The following BTRC variants were observed in gnomAD, a reference collection of about 807,000 sequenced individuals.
The protein encoded by BTRC is beta-transducin repeat containing E3 ubiquitin protein ligase.
In BTRC, 42 loss-of-function variants were observed where a neutral mutation model predicts 85.5. That is an observed-to-expected ratio of 0.49 (90% CI 0.38 to 0.64). BTRC has a LOEUF of 0.64. Ranked by LOEUF, BTRC falls within the 30% of genes least tolerant of loss-of-function variation. BTRC has a pLI of 0.00. For synonymous variants in BTRC, 255 were observed against 263.3 expected (o/e 0.97, Z 0.30); for missense variants, 594 against 743.5 (o/e 0.80, Z 2.34).
intron 1 of BTRC, among the ~76,000 whole-genome samples, chr10:101,403,001 A>T (rs1212415557): frequency 1.3e-5 from 2 of 152,128 alleles, no homozygotes; most frequent in Admixed American, 1.3e-4. Flanking sequence ...AAACCTTTAA[A>T]TCTCTTTTTC....
At chr10:101,460,799 T>C (rs1945203390) in intron 2 of BTRC, among the ~76,000 whole-genome samples, 1 of 152,252 alleles carries the variant, frequency 6.6e-6, no homozygotes, top group African/African-American at 2.4e-5. Flanking sequence ...AATTTTCAGA[T>C]AAACTCTCAT....
rs543575782 is a variant in BTRC, at chr10:101,487,719, C to T, written c.324+8262C>T. On this transcript the variant is annotated intron_variant, in intron 4 of 14. Transcript: ENST00000370187. Reference sequence around the variant, plus strand: ...GGGGTAAGCAGGGATCCTACCCAGTCGGAACACTGAAATTAATGAGAAGAA... The same window carrying T: ...GGGGTAAGCAGGGATCCTACCCAGTTGGAACACTGAAATTAATGAGAAGAA... 5.3e-5 allele frequency among the ~76,000 whole-genome samples: 8 copies of T among 152,164 alleles called. No individual in the cohort carries two copies. The East Asian group carries it at 1.5e-3, about 29-fold the overall frequency.
At chr10:101,551,733 G>A (rs1319221969) in intron 14 of BTRC, among the ~76,000 whole-genome samples, 2 of 152,150 alleles carry the variant, frequency 1.3e-5, no homozygotes, top group Non-Finnish European at 2.9e-5. Context: ...AGTGATTCAC[G>A]CCCAGCTGGG....
chr10:101,441,891 A>AAG (rs1944690482), intron 2 of BTRC, among the ~76,000 whole-genome samples: 1 of 151,720 alleles, frequency 6.6e-6, no homozygotes, highest in Non-Finnish European at 1.5e-5. Flanking sequence ...AAAAAAAAAA[A>AAG]AAAAAAAAAG....
At chr10:101,447,914 A>G (rs1161812530) in intron 2 of BTRC, among the ~76,000 whole-genome samples, 3 of 152,176 alleles carry the variant, frequency 2.0e-5, no homozygotes, top group African/African-American at 4.8e-5. Context: ...AAGTATTATT[A>G]ATATTTCCAA....
intron 3 of BTRC, among the ~76,000 whole-genome samples, chr10:101,463,235 G>A (rs575156168): frequency 1.5e-3 from 232 of 152,154 alleles, no homozygotes; most frequent in African/African-American, 5.5e-3. Context: ...TAGTAGAAAC[G>A]GGGTTTCACC....
At chr10:101,530,526 T>C (rs1485553573) in intron 6 of BTRC, among the ~76,000 whole-genome samples, 1 of 151,100 alleles carries the variant, frequency 6.6e-6, no homozygotes, top group African/African-American at 2.4e-5. Context: ...GGGCATGTGC[T>C]AGTTCAAAGG....
chr10:101,426,557 GTAGTTTT>G (rs1944257046), intron 1 of BTRC, among the ~76,000 whole-genome samples: 2 of 152,162 alleles, frequency 1.3e-5, no homozygotes, highest in South Asian at 4.1e-4. Flanking sequence ...TTTGTTGTTA[GTAGTTTT>G]GATGGAGGAT....
At chr10:101,370,462 G>A (rs1942601675) in intron 1 of BTRC, among the ~76,000 whole-genome samples, 1 of 152,144 alleles carries the variant, frequency 6.6e-6, no homozygotes, top group South Asian at 2.1e-4. Flanking sequence ...TAAGACCTCT[G>A]CTGATCCTGC....
chr10:101,537,293 C>G (rs532036516), intron 12 of BTRC, among the ~76,000 whole-genome samples: 69 of 152,212 alleles, frequency 4.5e-4, no homozygotes, highest in African/African-American at 1.6e-3. Context: ...TTTGGGAGAC[C>G]GAGACAGGTG....
At chr10:101,519,335 C>T (rs374343313) in intron 4 of BTRC, among the ~76,000 whole-genome samples, 3 of 152,264 alleles carry the variant, frequency 2.0e-5, no homozygotes, top group African/African-American at 7.2e-5. Flanking sequence ...CCACCTCATC[C>T]TCCCAAAGTG....
chr10:101,380,951 G>A (rs144036571), intron 1 of BTRC, among the ~76,000 whole-genome samples: 246 of 152,286 alleles, frequency 1.6e-3, no homozygotes, highest in African/African-American at 5.4e-3. Context: ...ACTGAATCCT[G>A]TAAGCCATTG....
intron 1 of BTRC, among the ~76,000 whole-genome samples, chr10:101,427,940 C>G (rs1289861291): frequency 6.6e-6 from 1 of 152,124 alleles, no homozygotes; most frequent in African/African-American, 2.4e-5. Flanking sequence ...ATTAGCAAAG[C>G]ATTCTTAATA....
intron 1 of BTRC, among the ~76,000 whole-genome samples, chr10:101,375,213 G>A (rs566096139): frequency 3.3e-5 from 5 of 152,276 alleles, no homozygotes; most frequent in South Asian, 2.1e-4. Flanking sequence ...TGCTGTTTTC[G>A]TGATAGAGTT....
chr10:101,477,026 G>C (rs985029995), intron 3 of BTRC, among the ~76,000 whole-genome samples: 1 of 152,064 alleles, frequency 6.6e-6, no homozygotes, highest in Non-Finnish European at 1.5e-5. Flanking sequence ...ACCCACGCTG[G>C]AGTGCCGTGG....
intron 4 of BTRC, among the ~76,000 whole-genome samples, chr10:101,483,097 G>A (rs1393800613): frequency 6.6e-6 from 1 of 152,080 alleles, no homozygotes; most frequent in African/African-American, 2.4e-5. Context: ...AAGCAGCAAT[G>A]GTATTATGTT....
chr10:101,376,382 A>G (rs1232520668), intron 1 of BTRC, among the ~76,000 whole-genome samples: 5 of 152,170 alleles, frequency 3.3e-5, no homozygotes, highest in Non-Finnish European at 2.9e-5. Flanking sequence ...CAAGGCTTGG[A>G]CTCTCTGAAT....
In BTRC at chr10:101,532,330, T is replaced by A; in HGVS notation, c.876T>A (p.Ser292Arg). The A allele has an allele frequency of 1.2e-6, 2 of 1,613,658 alleles. No homozygotes were observed. Among genetic ancestry groups the A allele is most frequent in the Non-Finnish European group, 1.7e-6 (2 of 1,179,848 alleles). The change falls in exon 8 of 15, where the codon AGT (serine) becomes AGA (arginine). Residue 292 changes from serine (S) to arginine (R), a missense_variant. This residue lies in a region of BTRC where 373 missense variants were observed against 503.6 expected (regional missense o/e 0.74). Coordinates refer to ENST00000370187, the MANE Select transcript of BTRC (RefSeq NM_033637.4). Reference sequence around the variant, plus strand: ...CTAATTGGAGATGTGGAAGACATAGTTTACAGAGAATTCACTGCCGAAGTG... The same window carrying A: ...CTAATTGGAGATGTGGAAGACATAGATTACAGAGAATTCACTGCCGAAGTG... ...IESNWRCGRH[S>R]LQRIHCRSET...
At position 101,499,836 on chromosome 10, in the gene BTRC, A is replaced by G. The variant is rs566211638; in HGVS notation, c.324+20379A>G. Among the ~76,000 whole-genome samples the G allele has an allele frequency of 6.6e-5, 10 of 151,914 alleles. No individual in the cohort carries two copies. In the South Asian group the frequency reaches 2.1e-3, roughly 32 times the overall value. ...TGAAACTTAATTCTTTCAAATGGAA[A>G]TCAAGCCTCAGTGCTTGTCCATATT... On this transcript the variant is annotated intron_variant, in intron 4 of 14. Coordinates refer to ENST00000370187, the MANE Select transcript of BTRC (RefSeq NM_033637.4).
Sources: allele counts gnomAD v4.1 joint callset (sites outside exome capture counted in the v4.1 genomes callset), GRCh38; gene constraint gnomAD v4.1.1; regional missense constraint gnomAD v4.1.1; transcripts MANE v1.5; gene names NCBI Gene and HGNC (gene_info 2026-07-23, HGNC 2026-07-21).